The following EYA1 variants were observed in gnomAD, a reference collection of about 807,000 sequenced individuals.
EYA1 encodes EYA transcriptional coactivator and phosphatase 1, also known as protein phosphatase EYA1.
A neutral mutation model predicts 82.0 loss-of-function variants in EYA1; 16 were observed. The ratio of observed to expected loss-of-function variants is 0.20; its 90% CI spans 0.13 to 0.30. The LOEUF is 0.30. EYA1 is among the 10% of genes least tolerant of loss of function. The pLI, the probability that EYA1 is intolerant of heterozygous loss-of-function variation, is 1.00. For missense variants in EYA1, 633 were observed against 730.7 expected (o/e 0.87, Z 1.54); for synonymous variants, 261 against 264.4 (o/e 0.99, Z 0.12).
intron 3 of EYA1, among the ~76,000 whole-genome samples, chr8:71,351,918 A>G (rs1387318057): frequency 6.6e-6 from 1 of 152,222 alleles, no homozygotes; most frequent in Non-Finnish European, 1.5e-5. Flanking sequence ...AATGCAGGCA[A>G]AGCCAACAAC....
chr8:71,473,620 A>T (rs568908655), intron 2 of EYA1, among the ~76,000 whole-genome samples: 1 of 152,334 alleles, frequency 6.6e-6, no homozygotes, highest in African/African-American at 2.4e-5. Context: ...AATTAGTTCA[A>T]CCATTGTGGA....
At chr8:71,234,555 C>G (rs1421401335) in intron 12 of EYA1, among the ~76,000 whole-genome samples, 1 of 152,210 alleles carries the variant, frequency 6.6e-6, no homozygotes, top group Non-Finnish European at 1.5e-5. Context: ...CCACTCCCTC[C>G]TTCTTGAAAC....
At chr8:71,454,277 G>A (rs1474825850) in intron 2 of EYA1, among the ~76,000 whole-genome samples, 1 of 152,076 alleles carries the variant, frequency 6.6e-6, no homozygotes, top group Non-Finnish European at 1.5e-5. Context: ...AAAGCAAGCT[G>A]TTAGAGACCA....
intron 2 of EYA1, among the ~76,000 whole-genome samples, chr8:71,486,669 C>A (rs1197861548): frequency 2.0e-5 from 3 of 152,204 alleles, no homozygotes; most frequent in East Asian, 3.9e-4. Context: ...AGAGCCAAGA[C>A]CTGACAGCAG....
At position 71,251,155 on chromosome 8, in the gene EYA1, T is replaced by C. The variant is rs377013889; in HGVS notation, c.1051-6463A>G. ...TACCATAAGGTCAGCATAACACTGATTTTGTAAACTCAGTAGTGGTATGTA... is the reference window on the plus strand; with the variant it reads ...TACCATAAGGTCAGCATAACACTGACTTTGTAAACTCAGTAGTGGTATGTA... On this transcript the variant is annotated intron_variant, in intron 11 of 17. Coordinates refer to ENST00000340726, the MANE Select transcript of EYA1 (RefSeq NM_000503.6). 8.5e-5 allele frequency among the ~76,000 whole-genome samples: 13 copies of C among 152,322 alleles called. No individual in the cohort carries two copies. In the East Asian group the frequency reaches 2.5e-3, roughly 29 times the overall value.
At chr8:71,497,957 G>A (rs1420912497) in intron 2 of EYA1, among the ~76,000 whole-genome samples, 1 of 152,086 alleles carries the variant, frequency 6.6e-6, no homozygotes, top group Admixed American at 6.6e-5. Flanking sequence ...GGAGCAGAAA[G>A]ATAAATAGTC....
chr8:71,475,729 C>T (rs1809610450), intron 2 of EYA1, among the ~76,000 whole-genome samples: 1 of 152,128 alleles, frequency 6.6e-6, no homozygotes, highest in Non-Finnish European at 1.5e-5. Context: ...TGGAATCTAA[C>T]ATCGAATTAG....
chr8:71,408,953 A>G (rs1276343612), intron 2 of EYA1, among the ~76,000 whole-genome samples: 14 of 118,540 alleles, frequency 1.2e-4, no homozygotes, highest in Admixed American at 9.5e-4. Context: ...CCTATTCCAA[A>G]ATTGACCACA....
intron 2 of EYA1, among the ~76,000 whole-genome samples, chr8:71,445,769 G>A (rs1159435591): frequency 1.3e-5 from 2 of 152,178 alleles, no homozygotes; most frequent in African/African-American, 4.8e-5. Context: ...CTACTGAGTA[G>A]CTGGGACTAC....
intron 16 of EYA1, among the ~76,000 whole-genome samples, chr8:71,212,153 T>C (rs777565084): frequency 6.6e-5 from 10 of 152,208 alleles, no homozygotes; most frequent in Non-Finnish European, 1.5e-4. Flanking sequence ...TTTTCAAATG[T>C]GAATGGCTGA....
intron 2 of EYA1, among the ~76,000 whole-genome samples, chr8:71,524,428 C>T (rs1399278213): frequency 2.6e-5 from 4 of 152,028 alleles, no homozygotes; most frequent in Admixed American, 1.3e-4. Context: ...ATAATCAATC[C>T]CAAACCCAGT....
At chr8:71,394,726 G>T (rs1829485534) in intron 2 of EYA1, among the ~76,000 whole-genome samples, 1 of 152,156 alleles carries the variant, frequency 6.6e-6, no homozygotes, top group Non-Finnish European at 1.5e-5. Context: ...CAGGTAGCTT[G>T]ATGCCTCCAG....
intron 11 of EYA1, among the ~76,000 whole-genome samples, chr8:71,264,102 G>C (rs759273364): frequency 2.0e-5 from 3 of 152,150 alleles, no homozygotes; most frequent in Non-Finnish European, 2.9e-5. Flanking sequence ...CCCTTGGACT[G>C]GAGGTTCCAA....
chr8:71,529,248 A>T (rs1814068034), intron 2 of EYA1, among the ~76,000 whole-genome samples: 1 of 152,142 alleles, frequency 6.6e-6, no homozygotes. Context: ...AGTACCCATC[A>T]CATCCGAAAA....
At chr8:71,225,203 C>T (rs1302243670) in intron 12 of EYA1, 1 of 456,198 alleles carries the variant, frequency 2.2e-6, no homozygotes, top group Admixed American at 2.3e-5. Context: ...CGTCCAAGCC[C>T]TCACTGTGCT....
At chr8:71,523,505 T>G (rs1813600509) in intron 2 of EYA1, among the ~76,000 whole-genome samples, 1 of 152,164 alleles carries the variant, frequency 6.6e-6, no homozygotes, top group Non-Finnish European at 1.5e-5. Flanking sequence ...TTATTGGCAG[T>G]GAAGGTGAAA....
chr8:71,454,229 A>AATAT (rs1807673755), intron 2 of EYA1, among the ~76,000 whole-genome samples: 2 of 152,356 alleles, frequency 1.3e-5, no homozygotes, highest in South Asian at 4.1e-4. Flanking sequence ...AACTATGCTA[A>AATAT]ATATATATGC....
intron 9 of EYA1, among the ~76,000 whole-genome samples, chr8:71,278,346 AG>A (rs1373874897): frequency 8.5e-5 from 13 of 152,166 alleles, no homozygotes; most frequent in Admixed American, 1.3e-4. Context: ...TTTATTTCTC[AG>A]GCCTTCCTTA....
At chr8:71,331,285 C>CACATAT (rs554459560) in intron 4 of EYA1, among the ~76,000 whole-genome samples, 48 of 127,540 alleles carry the variant, frequency 3.8e-4, no homozygotes, top group African/African-American at 1.2e-3. Flanking sequence ...CACACACACA[C>CACATAT]ATATATATAC....
Sources: gnomAD v4.1 joint callset for allele counts (sites outside exome capture counted in the v4.1 genomes callset) on GRCh38, gnomAD v4.1.1 for gene constraint, MANE v1.5 for transcripts, NCBI Gene and HGNC (gene_info 2026-07-23, HGNC 2026-07-21) for gene names.